NKD1: variants seen among roughly 807,000 people sequenced by gnomAD.
NKD1 encodes the protein NKD inhibitor of Wnt signaling pathway 1, also known as protein naked cuticle homolog 1.
A neutral mutation model predicts 56.0 loss-of-function variants in NKD1; 21 were observed. That is an observed-to-expected ratio of 0.38 (90% CI 0.27 to 0.54). The LOEUF is 0.54. NKD1 is among the 20% of genes least tolerant of loss of function. The pLI is 0.82. For missense variants in NKD1, 578 were observed against 642.7 expected (o/e 0.90, Z 1.09); for synonymous variants, 263 against 265.7 (o/e 0.99, Z 0.10).
chr16:50,627,685 C>A (rs1265420365), intron 6 of NKD1, among the ~76,000 whole-genome samples: 1 of 152,220 alleles, frequency 6.6e-6, no homozygotes, highest in Non-Finnish European at 1.5e-5. Context: ...AGAAAGAAGA[C>A]CTGCTCCCCC....
rs527271016 is a variant in NKD1 at position 50,575,270 on chromosome 16, C to T, written c.192+25715C>T. 1.3e-5 allele frequency: 13 copies of T among 985,394 alleles called. No homozygotes were observed. In the East Asian group the frequency reaches 1.2e-3, roughly 95 times the overall value. The allele number at this position is 985,394 out of a possible 1,614,324, so 61.0% of individuals were successfully genotyped here. A position where few individuals can be genotyped will look rare whatever the true frequency, so the allele number is the denominator to read the frequency against. ...CCAGTCTTCTGGGGTAACGTTGGCA[C>T]TAAAAGATTCACCAGTGCCCAGAGG... On this transcript the variant is annotated intron_variant, in intron 3 of 9. Transcript: ENST00000268459.
In NKD1 at chr16:50,600,240, A is replaced by AAAAC. The variant is rs142116037; in HGVS notation, c.193-8035_193-8032dup. ...TGAATTGTCCTTAAAAAAACAAAAC[A>AAAAC]AAACAAACAAACAAACAAACAACAA... On this transcript the variant is annotated intron_variant, in intron 3 of 9. Transcript: ENST00000268459. Among the ~76,000 whole-genome samples the AAAAC allele has an allele frequency of 3.4e-3, 521 of 152,142 alleles. 2 individuals are homozygous for AAAAC. Among genetic ancestry groups the AAAAC allele is most frequent in the Non-Finnish European group, 6.5e-3 (439 of 68,000 alleles).
At chr16:50,610,059 G>C (rs2151275848) in intron 4 of NKD1, among the ~76,000 whole-genome samples, 1 of 152,268 alleles carries the variant, frequency 6.6e-6, no homozygotes, top group East Asian at 1.9e-4. Context: ...AGTTGGGCAT[G>C]GTGGCTCAAA....
At chr16:50,597,645 C>A (rs1961502226) in intron 3 of NKD1, among the ~76,000 whole-genome samples, 1 of 152,158 alleles carries the variant, frequency 6.6e-6, no homozygotes, top group South Asian at 2.1e-4. Flanking sequence ...CTAGGCTGCT[C>A]CTCAGCAGCT....
Position 50,643,441 on chromosome 16 carries a change from C to CGGAG in NKD1, c.*9660_*9661insGGAG, listed in dbSNP as rs1962618966. ...CCTACTCCGTTGTCTGCCATTACTC[C>CGGAG]AGCCAAGTCCAGGGACACGTGAGGC... On this transcript the variant is annotated 3_prime_UTR_variant, in exon 10 of 10. Transcript: ENST00000268459. 6.6e-6 allele frequency: 1 copy of CGGAG among 152,262 alleles called. No individual in the cohort carries two copies. 9.4% of individuals were successfully genotyped at this position (152,262 alleles called of 1,614,324 possible).
intron 4 of NKD1, among the ~76,000 whole-genome samples, chr16:50,611,776 A>T (rs554267254): frequency 6.6e-6 from 1 of 152,300 alleles, no homozygotes; most frequent in South Asian, 2.1e-4. Flanking sequence ...ACCTTGGGTG[A>T]GTCACTTCCC....
chr16:50,600,642 C>T (rs1961574664), intron 3 of NKD1, among the ~76,000 whole-genome samples: 1 of 152,222 alleles, frequency 6.6e-6, no homozygotes, highest in African/African-American at 2.4e-5. Flanking sequence ...ATGTGGATGC[C>T]TGCGACTTGC....
At chr16:50,608,202 A>G in intron 3 of NKD1, 92 bp from the exon 4 acceptor site, 1 of 876,860 alleles carries the variant, frequency 1.1e-6, no homozygotes, top group Non-Finnish European at 2.0e-6. Context: ...AATCAGAAGA[A>G]TCAGCCCAGG....
At chr16:50,553,246 A>T (rs1567332384) in intron 3 of NKD1, among the ~76,000 whole-genome samples, 1 of 152,246 alleles carries the variant, frequency 6.6e-6, no homozygotes, top group Non-Finnish European at 1.5e-5. Flanking sequence ...ACACTTGGTG[A>T]AGACCTGTGT....
At chr16:50,620,982 G>T (rs1054222365) in intron 4 of NKD1, among the ~76,000 whole-genome samples, 4 of 152,218 alleles carry the variant, frequency 2.6e-5, no homozygotes, top group African/African-American at 9.6e-5. Context: ...GTGTGAGTGT[G>T]CATATGTGTG....
At chr16:50,589,669 GC>G (rs1344903578) in intron 3 of NKD1, among the ~76,000 whole-genome samples, 1 of 151,522 alleles carries the variant, frequency 6.6e-6, no homozygotes, top group Non-Finnish European at 1.5e-5. Flanking sequence ...CATGTTGGAG[GC>G]CTTTGCTGAA....
chr16:50,589,084 C>T (rs1215976213), intron 3 of NKD1, among the ~76,000 whole-genome samples: 1 of 152,148 alleles, frequency 6.6e-6, no homozygotes, highest in Non-Finnish European at 1.5e-5. Flanking sequence ...TGTGACCTCA[C>T]TGTGCCTAAA....
intron 3 of NKD1, among the ~76,000 whole-genome samples, chr16:50,572,300 TC>T (rs1382787918): frequency 6.6e-6 from 1 of 152,140 alleles, no homozygotes; most frequent in Non-Finnish European, 1.5e-5. Context: ...TTGTCACCCC[TC>T]TGGTGGCAGG....
At position 50,548,721 on chromosome 16, in the gene NKD1, C is replaced by A; in HGVS notation, c.30C>A (p.Ala10=). 2.1e-6 allele frequency: 3 copies of A among 1,453,690 alleles called. No individual in the cohort carries two copies. Among genetic ancestry groups the A allele is most frequent in the Non-Finnish European group, 2.7e-6 (3 of 1,112,578 alleles). The allele number at this position is 1,453,690 out of a possible 1,614,324, so 90.0% of individuals were successfully genotyped here. MGKLHSKPA[A]VCKRRESPEG... The stretch of plus-strand genomic sequence containing the variant: ...CGCCTCGCGATGTGCCTGCAGCCGC[C>A]GTGTGCAAGCGCAGGGAGAGCCCGG... The change falls in exon 2 of 10, where the codon GCC becomes GCA. Residue 10 remains alanine (A), a synonymous_variant. Coordinates refer to ENST00000268459, the MANE Select transcript of NKD1 (RefSeq NM_033119.5).
chr16:50,568,174 G>A (rs79716992), intron 3 of NKD1, among the ~76,000 whole-genome samples: 11 of 152,310 alleles, frequency 7.2e-5, no homozygotes, highest in African/African-American at 2.2e-4. Flanking sequence ...GCGAAGGCCT[G>A]GGGGGCCCCT....
chr16:50,644,788 C>T lies in NKD1; in HGVS notation c.*11007C>T, dbSNP rs1450704376. The T allele has an allele frequency of 6.6e-6, 1 of 152,292 alleles. No homozygotes were observed. Among genetic ancestry groups the T allele is most frequent in the African/African-American group, 2.4e-5 (1 of 41,466 alleles). The allele number at this position is 152,292 out of a possible 1,614,324, so 9.4% of individuals were successfully genotyped here. A position where few individuals can be genotyped will look rare whatever the true frequency, so the allele number is the denominator to read the frequency against. ...GTGATTTGGTCCAGAAATTCCTGGCCAGAATATTTCCAGTGTGGTGCATGT... is the reference window on the plus strand; with the variant it reads ...GTGATTTGGTCCAGAAATTCCTGGCTAGAATATTTCCAGTGTGGTGCATGT... On this transcript the variant is annotated 3_prime_UTR_variant, in exon 10 of 10. Transcript: ENST00000268459.
chr16:50,549,065 C>A (rs1960311177), intron 2 of NKD1: 1 of 194,100 alleles, frequency 5.2e-6, no homozygotes, highest in East Asian at 2.0e-4. Flanking sequence ...CTCTTCCTGC[C>A]CCCCGGCCCT....
intron 3 of NKD1, among the ~76,000 whole-genome samples, chr16:50,584,768 T>C (rs779295201): frequency 6.6e-6 from 1 of 152,212 alleles, no homozygotes; most frequent in Non-Finnish European, 1.5e-5. Flanking sequence ...TCCCTTGACC[T>C]CCATGGATAA....
intron 3 of NKD1, among the ~76,000 whole-genome samples, chr16:50,589,272 A>G (rs1465034435): frequency 6.6e-6 from 1 of 152,184 alleles, no homozygotes; most frequent in South Asian, 2.1e-4. Flanking sequence ...ACAGACACGA[A>G]AGTAGAGAGA....
Sources: allele counts gnomAD v4.1 joint callset (sites outside exome capture counted in the v4.1 genomes callset), GRCh38; gene constraint gnomAD v4.1.1; transcripts MANE v1.5; gene names NCBI Gene and HGNC (gene_info 2026-07-23, HGNC 2026-07-21).